Variants in CCSER1 observed in about 807,000 individuals in gnomAD.
CCSER1 encodes coiled-coil serine rich protein 1, also known as serine-rich coiled-coil domain-containing protein 1.
In CCSER1, 41 loss-of-function variants were observed where a neutral mutation model predicts 82.0. That is an observed-to-expected ratio of 0.50 (90% CI 0.39 to 0.65). The LOEUF (loss-of-function observed/expected upper bound fraction) is 0.65, where lower values mean the gene tolerates loss of function less well. Among genes scored for constraint, CCSER1 ranks in the 30% least tolerant of loss-of-function variants. The probability of loss-of-function intolerance (pLI) is 0.00; values close to 1 mark genes in which losing one functional copy is unlikely to be tolerated. For missense variants in CCSER1, 1,119 were observed against 1,064.2 expected (o/e 1.05, Z -0.72); for synonymous variants, 414 against 383.9 (o/e 1.08, Z -0.92).
intron 10 of CCSER1, among the ~76,000 whole-genome samples, chr4:91,300,243 T>C (rs908914154): frequency 6.6e-6 from 1 of 152,040 alleles, no homozygotes; most frequent in African/African-American, 2.4e-5. Context: ...GTTTCTGTTA[T>C]CTGCTGTGGG....
At chr4:91,462,394 G>A (rs554901956) in intron 10 of CCSER1, among the ~76,000 whole-genome samples, 9 of 152,142 alleles carry the variant, frequency 5.9e-5, no homozygotes, top group East Asian at 1.9e-4. Flanking sequence ...CAAGATGGCC[G>A]AATAGGAACA....
At chr4:90,192,664 G>A (rs760713014) in intron 1 of CCSER1, among the ~76,000 whole-genome samples, 5 of 151,952 alleles carry the variant, frequency 3.3e-5, no homozygotes, top group African/African-American at 7.3e-5. Context: ...GCCCATAACC[G>A]TTAATAATGA....
At chr4:90,408,096 C>A (rs542535154) in intron 4 of CCSER1, among the ~76,000 whole-genome samples, 1 of 152,190 alleles carries the variant, frequency 6.6e-6, no homozygotes, top group Non-Finnish European at 1.5e-5. Flanking sequence ...GAGGGGCACC[C>A]GCCATTGCCC....
At chr4:91,111,343 T>C (rs540417621) in intron 10 of CCSER1, among the ~76,000 whole-genome samples, 7 of 152,006 alleles carry the variant, frequency 4.6e-5, no homozygotes, top group African/African-American at 1.7e-4. Flanking sequence ...CCTGAAGTTA[T>C]GTAATGCATG....
At position 90,285,314 on chromosome 4, in the gene CCSER1, A is replaced by G. The variant is rs182093262; in HGVS notation, c.-41-22930A>G. 3.3e-3 allele frequency among the ~76,000 whole-genome samples: 494 copies of G among 151,954 alleles called. 5 individuals are homozygous for G. The highest frequency in any genetic ancestry group is 0.014 in the Middle Eastern group (4 of 292). On this transcript the variant is annotated intron_variant, in intron 1 of 10. Coordinates refer to ENST00000509176, the MANE Select transcript of CCSER1 (RefSeq NM_001145065.2). ...TTCCATTTTGTGCATATCTTCTTCA[A>G]TTTCTTTCATCAATGTTTTATAGTT...
chr4:90,701,003 C>T (rs2149275530), intron 6 of CCSER1, among the ~76,000 whole-genome samples: 1 of 152,198 alleles, frequency 6.6e-6, no homozygotes, highest in African/African-American at 2.4e-5. Context: ...TCCCATTTGT[C>T]AATTTTGGCT....
intron 10 of CCSER1, among the ~76,000 whole-genome samples, chr4:91,378,260 A>C (rs992576814): frequency 6.6e-6 from 1 of 152,128 alleles, no homozygotes; most frequent in Non-Finnish European, 1.5e-5. Context: ...TATGAACTTT[A>C]AAGTAGATTT....
chr4:91,466,007 G>A (rs1184199192), intron 10 of CCSER1, among the ~76,000 whole-genome samples: 2 of 152,138 alleles, frequency 1.3e-5, no homozygotes, highest in Admixed American at 6.5e-5. Flanking sequence ...ATTTTATGAG[G>A]CCAGCATCAT....
At chr4:90,223,192 A>G (rs1742490301) in intron 1 of CCSER1, among the ~76,000 whole-genome samples, 1 of 152,130 alleles carries the variant, frequency 6.6e-6, no homozygotes, top group Non-Finnish European at 1.5e-5. Context: ...ATGTTGTATA[A>G]ATGGAATGAT....
At chr4:91,334,538 TCA>T (rs1392802670) in intron 10 of CCSER1, among the ~76,000 whole-genome samples, 1 of 151,452 alleles carries the variant, frequency 6.6e-6, no homozygotes, top group Non-Finnish European at 1.5e-5. Flanking sequence ...AAACACACAC[TCA>T]CACACACACA....
chr4:90,600,369 G>A (rs1018762585), intron 5 of CCSER1, among the ~76,000 whole-genome samples: 3 of 152,022 alleles, frequency 2.0e-5, no homozygotes, highest in African/African-American at 7.2e-5. Flanking sequence ...TTTAGTTTTA[G>A]CCTTTTAGAT....
At chr4:90,651,838 T>C (rs1728807817) in intron 6 of CCSER1, among the ~76,000 whole-genome samples, 1 of 152,182 alleles carries the variant, frequency 6.6e-6, no homozygotes, top group Admixed American at 6.5e-5. Context: ...TTGTTGTTCC[T>C]AAGCTTGAGA....
intron 4 of CCSER1, among the ~76,000 whole-genome samples, chr4:90,433,347 T>C (rs2153567863): frequency 6.6e-6 from 1 of 152,218 alleles, no homozygotes; most frequent in South Asian, 2.1e-4. Context: ...GCTCTTGTAA[T>C]AGGGATAAAA....
intron 1 of CCSER1, among the ~76,000 whole-genome samples, chr4:90,171,027 T>A (rs1333768998): frequency 6.6e-6 from 1 of 151,900 alleles, no homozygotes; most frequent in East Asian, 1.9e-4. Flanking sequence ...ACAGGATAAA[T>A]GCTTGAGGTG....
In CCSER1 at chr4:90,398,080, C is replaced by T. The variant is rs578142322; in HGVS notation, c.1510-1956C>T. On this transcript the variant is annotated intron_variant, in intron 3 of 10. Transcript: ENST00000509176. ...TGGCAAGTTTGGTTTCTCCTGAGGC[C>T]TCTCTCCTTGGCTTGCAAATGACCT... Among the ~76,000 whole-genome samples the T allele has an allele frequency of 1.5e-4, 23 of 152,224 alleles. No individual in the cohort carries two copies. The South Asian group carries it at 4.6e-3, about 30-fold the overall frequency.
intron 3 of CCSER1, among the ~76,000 whole-genome samples, chr4:90,375,497 A>G (rs1748163509): frequency 6.6e-6 from 1 of 152,164 alleles, no homozygotes. Flanking sequence ...GCCATCCGTG[A>G]TCCTTCTCTT....
intron 10 of CCSER1, among the ~76,000 whole-genome samples, chr4:91,343,467 T>TA (rs776111833): frequency 6.6e-6 from 1 of 152,086 alleles, no homozygotes; most frequent in African/African-American, 2.4e-5. Context: ...ACTTACCATT[T>TA]AAAAAAATAC....
intron 10 of CCSER1, among the ~76,000 whole-genome samples, chr4:91,271,465 T>C (rs1742017826): frequency 6.6e-6 from 1 of 152,172 alleles, no homozygotes; most frequent in Non-Finnish European, 1.5e-5. Flanking sequence ...GTCATTCTTA[T>C]GCCTTTGCAT....
chr4:90,849,306 GAAGTA>G (rs1291004256), intron 8 of CCSER1, among the ~76,000 whole-genome samples: 3 of 152,196 alleles, frequency 2.0e-5, no homozygotes, highest in Non-Finnish European at 2.9e-5. Flanking sequence ...GTTGGGAAGT[GAAGTA>G]AAGATCACTC....
Sources: allele counts gnomAD v4.1 joint callset (sites outside exome capture counted in the v4.1 genomes callset), GRCh38; gene constraint gnomAD v4.1.1; transcripts MANE v1.5; gene names NCBI Gene and HGNC (gene_info 2026-07-23, HGNC 2026-07-21).